RABGAP1L: variants seen among roughly 807,000 people sequenced by gnomAD.
RABGAP1L encodes rab GTPase-activating protein 1-like.
RABGAP1L carries 63 observed loss-of-function variants against 137.7 expected under a neutral mutation model. The ratio of observed to expected loss-of-function variants is 0.46; its 90% CI spans 0.37 to 0.56. The LOEUF (loss-of-function observed/expected upper bound fraction) is 0.56, where lower values mean the gene tolerates loss of function less well. RABGAP1L is among the 20% of genes least tolerant of loss of function. The probability of loss-of-function intolerance (pLI) is 0.00; values close to 1 mark genes in which losing one functional copy is unlikely to be tolerated. For synonymous variants in RABGAP1L, 431 were observed against 433.7 expected (o/e 0.99, Z 0.08); for missense variants, 1,095 against 1,244.0 (o/e 0.88, Z 1.80).
chr1:174,169,808 C>T (rs565117454), intron 1 of RABGAP1L, among the ~76,000 whole-genome samples: 37 of 152,096 alleles, frequency 2.4e-4, no homozygotes, highest in African/African-American at 8.2e-4. Flanking sequence ...CTCCAACCTT[C>T]GTCTCAGGAG....
chr1:174,604,480 C>T (rs1041744525), intron 13 of RABGAP1L, among the ~76,000 whole-genome samples: 13 of 152,136 alleles, frequency 8.5e-5, no homozygotes, highest in Admixed American at 2.0e-4. Flanking sequence ...TGCCTTTTTC[C>T]TTGATATGAT....
intron 11 of RABGAP1L, among the ~76,000 whole-genome samples, chr1:174,308,581 C>T (rs1438338334): frequency 1.3e-5 from 2 of 152,066 alleles, no homozygotes; most frequent in Admixed American, 6.6e-5. Flanking sequence ...TAATTTCATT[C>T]TTCTGCATGT....
At chr1:174,902,792 A>G (rs891717259) in intron 19 of RABGAP1L, among the ~76,000 whole-genome samples, 1 of 152,094 alleles carries the variant, frequency 6.6e-6, no homozygotes, top group African/African-American at 2.4e-5. Context: ...CCTGCCCCAC[A>G]CTACTTTTCT....
At chr1:174,196,904 G>T (rs890332026) in intron 1 of RABGAP1L, among the ~76,000 whole-genome samples, 1 of 152,046 alleles carries the variant, frequency 6.6e-6, no homozygotes, top group Admixed American at 6.6e-5. Context: ...GGAGGTCTCT[G>T]CCAGCTTAGT....
intron 19 of RABGAP1L, among the ~76,000 whole-genome samples, chr1:174,938,280 G>T (rs1467842868): frequency 2.0e-5 from 3 of 152,188 alleles, no homozygotes; most frequent in South Asian, 2.1e-4. Flanking sequence ...ACATTCACCA[G>T]GCTTAGTGTT....
chr1:174,409,599 G>C (rs903706480), intron 13 of RABGAP1L, among the ~76,000 whole-genome samples: 1 of 152,164 alleles, frequency 6.6e-6, no homozygotes, highest in Non-Finnish European at 1.5e-5. Context: ...TTCTTGCAGA[G>C]AGCCTATAAA....
At chr1:174,960,074 A>C (rs1668949576) in intron 20 of RABGAP1L, among the ~76,000 whole-genome samples, 1 of 152,160 alleles carries the variant, frequency 6.6e-6, no homozygotes, top group African/African-American at 2.4e-5. Context: ...GAGAACTTGC[A>C]CCAGTTCAGT....
chr1:174,680,596 CAAT>C (rs1677986377), intron 14 of RABGAP1L, among the ~76,000 whole-genome samples: 1 of 152,118 alleles, frequency 6.6e-6, no homozygotes, highest in South Asian at 2.1e-4. Context: ...TAGGAACCAA[CAAT>C]AATGAGATGA....
intron 1 of RABGAP1L, among the ~76,000 whole-genome samples, chr1:174,170,773 A>T (rs569758600): frequency 2.0e-5 from 3 of 151,866 alleles, no homozygotes; most frequent in South Asian, 4.2e-4. Flanking sequence ...CTCTGTATTG[A>T]CAATCTTTAA....
intron 17 of RABGAP1L, among the ~76,000 whole-genome samples, chr1:174,751,693 C>T (rs924486188): frequency 5.3e-5 from 8 of 152,056 alleles, no homozygotes; most frequent in African/African-American, 1.9e-4. Context: ...TTGTTTATTT[C>T]TAAAGAAATA....
At chr1:174,597,401 G>A (rs955223675) in intron 13 of RABGAP1L, among the ~76,000 whole-genome samples, 38 of 152,138 alleles carry the variant, frequency 2.5e-4, no homozygotes, top group African/African-American at 9.2e-4. Context: ...ACTTGTTAAG[G>A]GTCTATTCGA....
intron 1 of RABGAP1L, among the ~76,000 whole-genome samples, chr1:174,207,995 T>C (rs908351409): frequency 1.3e-5 from 2 of 152,210 alleles, no homozygotes; most frequent in Admixed American, 6.5e-5. Context: ...ACTTTGAATT[T>C]CCTAATCCAT....
intron 4 of RABGAP1L, 146 bp downstream of exon 4, chr1:174,231,501 A>G (rs984102315): frequency 1.4e-6 from 1 of 732,366 alleles, no homozygotes; most frequent in Non-Finnish European, 2.3e-6. Flanking sequence ...GACTGTGTTC[A>G]TTGTTTGAAA....
At chr1:174,927,883 C>G (rs577195866) in intron 19 of RABGAP1L, among the ~76,000 whole-genome samples, 3 of 152,316 alleles carry the variant, frequency 2.0e-5, no homozygotes, top group South Asian at 2.1e-4. Context: ...AGGCATTGCT[C>G]ACAGCTGCTT....
chr1:174,953,183 G>A (rs368253921), intron 19 of RABGAP1L, among the ~76,000 whole-genome samples: 10 of 152,228 alleles, frequency 6.6e-5, no homozygotes, highest in African/African-American at 2.2e-4. Flanking sequence ...AAATTCTTCC[G>A]ATAATTATTG....
intron 24 of RABGAP1L, among the ~76,000 whole-genome samples, chr1:174,983,448 G>GA (rs1481475563): frequency 1.3e-5 from 2 of 151,972 alleles, no homozygotes; most frequent in South Asian, 2.1e-4. Context: ...TGCTCTATTT[G>GA]AAAAAAACAG....
chr1:174,239,301 T>G lies in RABGAP1L; in HGVS notation c.543-2182T>G, dbSNP rs535512504. 2.6e-5 allele frequency among the ~76,000 whole-genome samples: 4 copies of G among 152,296 alleles called. No individual in the cohort carries two copies. The South Asian group carries it at 8.3e-4, about 32-fold the overall frequency. ...CCATCTTGGCTCCTCTTCGATAATT[T>G]GTTTACTTGCATTGTTAGTACCACT... is the stretch of plus-strand genomic sequence containing the variant. On this transcript the variant is annotated intron_variant, in intron 4 of 25. Transcript: ENST00000681986.
At chr1:174,222,125 C>G (rs1016284788) in intron 3 of RABGAP1L, among the ~76,000 whole-genome samples, 3 of 152,056 alleles carry the variant, frequency 2.0e-5, no homozygotes, top group African/African-American at 7.2e-5. Context: ...CCATTGCACC[C>G]ATCCCTGGCC....
chr1:174,905,042 C>T (rs1658809085), intron 19 of RABGAP1L, among the ~76,000 whole-genome samples: 1 of 152,156 alleles, frequency 6.6e-6, no homozygotes, highest in Non-Finnish European at 1.5e-5. Flanking sequence ...GGACAGGCAG[C>T]ACTCCAATCA....
Sources: gnomAD v4.1 joint callset for allele counts (sites outside exome capture counted in the v4.1 genomes callset) on GRCh38, gnomAD v4.1.1 for gene constraint, MANE v1.5 for transcripts, NCBI Gene and HGNC (gene_info 2026-07-23, HGNC 2026-07-21) for gene names.